DENND2B: variants seen among roughly 807,000 people sequenced by gnomAD.
DENND2B encodes DENN domain containing 2B.
Under a neutral mutation model 116.0 loss-of-function variants are expected in DENND2B, and 32 were observed. The observed-to-expected ratio is 0.28, with a 90% CI of 0.21 to 0.37. The LOEUF (loss-of-function observed/expected upper bound fraction) is 0.37, where lower values mean the gene tolerates loss of function less well. Ranked by LOEUF, DENND2B falls within the 10% of genes least tolerant of loss-of-function variation. The pLI is 1.00. For synonymous variants in DENND2B, 588 were observed against 583.9 expected (o/e 1.01, Z -0.10); for missense variants, 1,276 against 1,477.7 (o/e 0.86, Z 2.24).
chr11:8,701,076 T>C (rs2041506194), intron 14 of DENND2B, among the ~76,000 whole-genome samples: 1 of 152,140 alleles, frequency 6.6e-6, no homozygotes, highest in East Asian at 1.9e-4. Flanking sequence ...CGTGAGCCAC[T>C]GTACCTCATT....
chr11:8,714,259 A>G (rs1479842117), intron 7 of DENND2B, among the ~76,000 whole-genome samples: 1 of 152,202 alleles, frequency 6.6e-6, no homozygotes, highest in Admixed American at 6.5e-5. Context: ...CCCATGAGGG[A>G]AGCTGAGGGC....
chr11:8,746,874 T>A (rs1012339733), intron 2 of DENND2B, among the ~76,000 whole-genome samples: 1 of 152,172 alleles, frequency 6.6e-6, no homozygotes. Context: ...CAGGCTTGAG[T>A]ACCTCTTCCT....
chr11:8,721,945 G>A (rs748794274), intron 4 of DENND2B, among the ~76,000 whole-genome samples: 1 of 152,222 alleles, frequency 6.6e-6, no homozygotes, highest in Non-Finnish European at 1.5e-5. Context: ...CAGCTCAGGC[G>A]CCGAGGCCAC....
Position 8,730,333 on chromosome 11 carries a change from G to A in DENND2B, c.957C>T (p.Thr319=), listed in dbSNP as rs766320724. 3.1e-6 allele frequency: 5 copies of A among 1,600,654 alleles called. No individual in the cohort carries two copies. The East Asian group carries it at 8.9e-5, about 29-fold the overall frequency. The change falls in exon 3 of 20, where the codon ACC becomes ACT. Residue 319 remains threonine, a synonymous_variant. Coordinates refer to ENST00000313726, the MANE Select transcript of DENND2B (RefSeq NM_213618.2). This position sits in a 1 kb window ranked among gnomAD's most constrained non-coding sequence, Gnocchi z 4.1. The part of the protein sequence containing the change: ...SVDRGKRKTG[T]LGSLEEPAGG... ...CTGCCGGCTCCTCCAAGGAGCCCAAGGTTCCAGTCTTCCTTTTCCCCCGGT... is the reference window on the plus strand; with the variant it reads ...CTGCCGGCTCCTCCAAGGAGCCCAAAGTTCCAGTCTTCCTTTTCCCCCGGT...
intron 1 of DENND2B, chr11:8,909,861 TA>T (rs2064292973): frequency 6.6e-6 from 1 of 152,176 alleles, no homozygotes; most frequent in Non-Finnish European, 1.5e-5. Context: ...TTGTGTTCCT[TA>T]AAGTGACCCC....
chr11:8,834,723 G>A (rs915484181), intron 4 of DENND2B, among the ~76,000 whole-genome samples: 1 of 152,192 alleles, frequency 6.6e-6, no homozygotes, highest in Admixed American at 6.5e-5. Context: ...ACCAGCAGGG[G>A]CCAGAGGGTG....
chr11:8,806,769 G>GACAC (rs1202469504), intron 1 of DENND2B, among the ~76,000 whole-genome samples: 2 of 151,868 alleles, frequency 1.3e-5, no homozygotes, highest in African/African-American at 4.8e-5. Context: ...TACTGAGACA[G>GACAC]ACACACATAG....
chr11:8,858,635 G>A (rs1484508473), intron 2 of DENND2B, among the ~76,000 whole-genome samples: 1 of 152,170 alleles, frequency 6.6e-6, no homozygotes, highest in Non-Finnish European at 1.5e-5. Context: ...AAGTGTGATA[G>A]CATTCCATAT....
chr11:8,781,932 G>A (rs2058416597), intron 1 of DENND2B, among the ~76,000 whole-genome samples: 1 of 152,166 alleles, frequency 6.6e-6, no homozygotes, highest in Non-Finnish European at 1.5e-5. Context: ...GGATCTCCAA[G>A]TGTTAGCAAA....
chr11:8,838,948 T>C (rs2062527894), intron 4 of DENND2B, among the ~76,000 whole-genome samples: 1 of 152,178 alleles, frequency 6.6e-6, no homozygotes, highest in Non-Finnish European at 1.5e-5. Context: ...CACAGATGTA[T>C]GCTGAAGCAA....
chr11:8,904,986 T>C (rs2064217346), intron 1 of DENND2B, among the ~76,000 whole-genome samples: 1 of 152,156 alleles, frequency 6.6e-6, no homozygotes, highest in Non-Finnish European at 1.5e-5. Context: ...CCTCAATTAA[T>C]CTGTGAATTC....
Position 8,906,273 on chromosome 11 carries a change from T to C in DENND2B, c.-256+4548A>G, listed in dbSNP as rs188971100. ...CAGGCTGGGGTGCAGTGGCGCGACC[T>C]TGGCTCACTGCAAGCTCTGCCTCTC... On this transcript the variant is annotated intron_variant, in intron 1 of 22. Transcript: ENST00000534127. Among the ~76,000 whole-genome samples, 949 of 150,168 alleles carry C rather than the reference T, an allele frequency of 6.3e-3. 14 individuals are homozygous for C. The highest frequency in any genetic ancestry group is 0.022 in the African/African-American group (901 of 40,734).
chr11:8,719,850 G>A (rs569387153), intron 4 of DENND2B, among the ~76,000 whole-genome samples: 5 of 152,308 alleles, frequency 3.3e-5, no homozygotes, highest in African/African-American at 1.2e-4. Context: ...GCCTTGGACT[G>A]CATGATCAGC....
rs149828734 is a variant in DENND2B, at chr11:8,696,649, C to G, written c.3070G>C (p.Gly1024Arg). ...CGGATAAACACCTCCGACACCAGCC[C>G]ATTGAGGGTATTACATTCTGGAAGG... ...DSDDECNTLN[G>R]LVSEVFIRFF... The change falls in exon 18 of 20, where the codon GGG (glycine) becomes CGG (arginine). Residue 1024 changes from glycine (G) to arginine (R), a missense_variant. Gly to Arg is a moderately radical substitution (Grantham distance 125). Coordinates refer to ENST00000313726, the MANE Select transcript of DENND2B (RefSeq NM_213618.2). 1 of 1,614,032 alleles carries G rather than the reference C, an allele frequency of 6.2e-7. No homozygotes were observed. The highest frequency in any genetic ancestry group is 2.2e-5 in the East Asian group (1 of 44,892).
chr11:8,810,792 C>CTT (rs1244646849), upstream of DENND2B: 1 of 151,582 alleles, frequency 6.6e-6, no homozygotes, highest in Non-Finnish European at 1.5e-5. Context: ...CTCTCTTTTT[C>CTT]TTTCTTTCTC....
At chr11:8,809,624 C>T (rs955506565) in intron 1 of DENND2B, 1 of 152,288 alleles carries the variant, frequency 6.6e-6, no homozygotes, top group African/African-American at 2.4e-5. Flanking sequence ...TCACCATGTA[C>T]CACTCCTCTA....
intron 4 of DENND2B, chr11:8,718,250 C>T: frequency 2.8e-6 from 3 of 1,068,238 alleles, no homozygotes; most frequent in Non-Finnish European, 4.2e-6. Context: ...TGGCTCCCTT[C>T]CCTCTGCTGC....
At chr11:8,852,230 A>G (rs1237921366) in intron 3 of DENND2B, among the ~76,000 whole-genome samples, 1 of 152,218 alleles carries the variant, frequency 6.6e-6, no homozygotes, top group African/African-American at 2.4e-5. Flanking sequence ...TGGAGGACTG[A>G]AGTAAAAGCC....
chr11:8,772,491 G>A (rs776376097), intron 1 of DENND2B, among the ~76,000 whole-genome samples: 7 of 152,030 alleles, frequency 4.6e-5, no homozygotes, highest in African/African-American at 1.7e-4. Context: ...AACCCCAGTT[G>A]GTGTCCAGAA....
Sources: gnomAD v4.1 joint callset for allele counts (sites outside exome capture counted in the v4.1 genomes callset) on GRCh38, gnomAD v4.1.1 for gene constraint, Gnocchi (gnomAD v3.1) non-coding constraint, MANE v1.5 for transcripts, NCBI Gene and HGNC (gene_info 2026-07-23, HGNC 2026-07-21) for gene names.